The following PIK3CB variants were observed in gnomAD, a reference collection of about 807,000 sequenced individuals.
PIK3CB encodes the protein phosphatidylinositol 4,5-bisphosphate 3-kinase catalytic subunit beta isoform.
In PIK3CB, 39 loss-of-function variants were observed where a neutral mutation model predicts 136.8. That is an observed-to-expected ratio of 0.29 (90% CI 0.22 to 0.37). The LOEUF is 0.37. Among genes scored for constraint, PIK3CB ranks in the 10% least tolerant of loss-of-function variants. The pLI, the probability that PIK3CB is intolerant of heterozygous loss-of-function variation, is 1.00. For synonymous variants in PIK3CB, 428 were observed against 436.6 expected (o/e 0.98, Z 0.25); for missense variants, 868 against 1,275.4 (o/e 0.68, Z 4.87).
chr3:138,781,611 C>T (rs893105539), intron 2 of PIK3CB, among the ~76,000 whole-genome samples: 3 of 152,100 alleles, frequency 2.0e-5, no homozygotes, highest in Admixed American at 6.5e-5. Context: ...CACCACCACG[C>T]CTGGCTAATT....
intron 19 of PIK3CB, among the ~76,000 whole-genome samples, chr3:138,681,618 T>C (rs2108478632): frequency 6.6e-6 from 1 of 152,312 alleles, no homozygotes; most frequent in South Asian, 2.1e-4. Flanking sequence ...TCAATGTCCC[T>C]GGACTAAGTA....
chr3:138,778,780 G>A (rs533363628), intron 2 of PIK3CB: 2 of 270,426 alleles, frequency 7.4e-6, no homozygotes, highest in Non-Finnish European at 7.4e-6. Context: ...ACAGCAACAG[G>A]GTGGTAGACC....
intron 14 of PIK3CB, among the ~76,000 whole-genome samples, chr3:138,691,706 T>C (rs2044012570): frequency 6.6e-6 from 1 of 152,194 alleles, no homozygotes; most frequent in Non-Finnish European, 1.5e-5. Context: ...ATCTTTCCTT[T>C]ATAAATTACC....
Position 138,699,823 on chromosome 3 carries a change from G to A in PIK3CB, c.1582-728C>T, listed in dbSNP as rs139687514. 7.2e-5 allele frequency among the ~76,000 whole-genome samples: 11 copies of A among 152,128 alleles called. 1 individual carries two copies. The East Asian group carries it at 2.1e-3, about 29-fold the overall frequency. ...TACTGTCTAGCTCTGTTTCACAAAA[G>A]GGCCTGGAAGCAACTGCACCCCTGC... is the stretch of plus-strand genomic sequence containing the variant. On this transcript the variant is annotated intron_variant, in intron 12 of 23. Coordinates refer to ENST00000674063, the MANE Select transcript of PIK3CB (RefSeq NM_006219.3).
At chr3:138,705,644 T>G (rs986846285) in intron 11 of PIK3CB, among the ~76,000 whole-genome samples, 1 of 152,360 alleles carries the variant, frequency 6.6e-6, no homozygotes, top group African/African-American at 2.4e-5. Flanking sequence ...ATACTTTAAA[T>G]GTACAGGTAG....
intron 1 of PIK3CB, among the ~76,000 whole-genome samples, chr3:138,807,630 A>G (rs149447524): frequency 6.6e-6 from 1 of 152,028 alleles, no homozygotes. Flanking sequence ...CAGTAGCTCA[A>G]ACCTATAATC....
intron 8 of PIK3CB, among the ~76,000 whole-genome samples, chr3:138,721,755 T>C (rs1176369030): frequency 6.6e-6 from 1 of 152,204 alleles, no homozygotes; most frequent in Non-Finnish European, 1.5e-5. Flanking sequence ...TTCCAGATTA[T>C]ACTGTCAATA....
chr3:138,830,915 T>G (rs1934000857), intron 1 of PIK3CB, among the ~76,000 whole-genome samples: 1 of 137,308 alleles, frequency 7.3e-6, no homozygotes, highest in Non-Finnish European at 1.5e-5. Flanking sequence ...ATAATAATAA[T>G]AATAATAATA....
At chr3:138,769,477 C>G (rs990775583) in intron 2 of PIK3CB, among the ~76,000 whole-genome samples, 1 of 152,256 alleles carries the variant, frequency 6.6e-6, no homozygotes, top group East Asian at 1.9e-4. Context: ...GTTTTCAAGA[C>G]CTTTAGTAAC....
At chr3:138,745,676 C>T (rs929090689) in intron 4 of PIK3CB, among the ~76,000 whole-genome samples, 1 of 152,112 alleles carries the variant, frequency 6.6e-6, no homozygotes, top group Non-Finnish European at 1.5e-5. Flanking sequence ...TTCCTGACTT[C>T]AGAACAAAGC....
intron 19 of PIK3CB, among the ~76,000 whole-genome samples, chr3:138,665,780 G>C (rs2043397097): frequency 6.6e-6 from 1 of 152,082 alleles, no homozygotes; most frequent in Non-Finnish European, 1.5e-5. Context: ...ATGTTACCCA[G>C]GCTGCTCTTG....
intron 14 of PIK3CB, among the ~76,000 whole-genome samples, chr3:138,691,949 C>G (rs2044017837): frequency 6.6e-6 from 1 of 152,110 alleles, no homozygotes; most frequent in Admixed American, 6.6e-5. Flanking sequence ...TAAGTTGTCC[C>G]AGATAACCAA....
At chr3:138,822,947 A>G (rs976350157) in intron 1 of PIK3CB, among the ~76,000 whole-genome samples, 1 of 145,980 alleles carries the variant, frequency 6.9e-6, no homozygotes, top group Non-Finnish European at 1.5e-5. Context: ...CGAAATATAT[A>G]TACATGAAAT....
At chr3:138,778,738 G>A (rs1295273037) in intron 2 of PIK3CB, 4 of 263,000 alleles carry the variant, frequency 1.5e-5, no homozygotes, top group Non-Finnish European at 3.0e-5. Context: ...ACTTTGTCAA[G>A]CTCATTTCCT....
chr3:138,667,021 C>A (rs2043424792), intron 19 of PIK3CB, among the ~76,000 whole-genome samples: 1 of 151,892 alleles, frequency 6.6e-6, no homozygotes, highest in South Asian at 2.1e-4. Context: ...CAGATCTGGC[C>A]AACATGGTGA....
At chr3:138,756,543 G>A (rs1431855143) in intron 3 of PIK3CB, among the ~76,000 whole-genome samples, 1 of 152,090 alleles carries the variant, frequency 6.6e-6, no homozygotes, top group African/African-American at 2.4e-5. Context: ...CTGTCAGAAT[G>A]ATCATAATCA....
intron 10 of PIK3CB, chr3:138,707,586 T>C (rs361084): frequency 0.54 from 600,061 of 1,103,350 alleles, 166,085 homozygotes; most frequent in East Asian, 0.98. Flanking sequence ...AACTGCTCTC[T>C]CTCCATCAAA....
At chr3:138,727,978 C>A (rs1331939774) in intron 8 of PIK3CB, among the ~76,000 whole-genome samples, 1 of 152,066 alleles carries the variant, frequency 6.6e-6, no homozygotes, top group Non-Finnish European at 1.5e-5. Flanking sequence ...AGGATGGTCT[C>A]GATCTCCTGA....
intron 3 of PIK3CB, among the ~76,000 whole-genome samples, chr3:138,758,911 C>T (rs1221803627): frequency 6.6e-6 from 1 of 151,966 alleles, no homozygotes; most frequent in African/African-American, 2.4e-5. Flanking sequence ...AGAAAATGAA[C>T]CAAAAATCAC....
Sources: allele counts gnomAD v4.1 joint callset (sites outside exome capture counted in the v4.1 genomes callset), GRCh38; gene constraint gnomAD v4.1.1; transcripts MANE v1.5; gene names NCBI Gene and HGNC (gene_info 2026-07-23, HGNC 2026-07-21).